MEIS2: variants seen among roughly 807,000 people sequenced by gnomAD.
MEIS2 encodes the protein homeobox protein Meis2.
Under a neutral mutation model 58.6 loss-of-function variants are expected in MEIS2, and 9 were observed. The ratio of observed to expected loss-of-function variants is 0.15; its 90% CI spans 0.09 to 0.27. MEIS2 has a LOEUF of 0.27. Ranked by LOEUF, MEIS2 falls within the 10% of genes least tolerant of loss-of-function variation. The pLI is 1.00. For missense variants in MEIS2, 427 were observed against 635.0 expected (o/e 0.67, Z 3.52); for synonymous variants, 221 against 228.4 (o/e 0.97, Z 0.29).
chr15:36,968,145 C>T (rs572880695), intron 8 of MEIS2, among the ~76,000 whole-genome samples: 1 of 152,270 alleles, frequency 6.6e-6, no homozygotes, highest in Admixed American at 6.5e-5. Context: ...GTTTTTGGTG[C>T]TATTTGTCGA....
rs369431005 is a variant in MEIS2, at chr15:36,976,278, G to T, written c.901-25878C>A. ...TTTTTGTATTTTTAGTAGAGACGGG[G>T]TTTCACCATGTTGGCCAGGCTGGTC... On this transcript the variant is annotated intron_variant, in intron 8 of 11. Coordinates refer to ENST00000561208, the MANE Select transcript of MEIS2 (RefSeq NM_170675.5). 2.0e-4 allele frequency among the ~76,000 whole-genome samples: 30 copies of T among 151,764 alleles called. 1 individual carries two copies. Among genetic ancestry groups the T allele is most frequent in the South Asian group, 1.7e-3 (8 of 4,820 alleles).
intron 8 of MEIS2, among the ~76,000 whole-genome samples, chr15:36,970,592 C>T (rs142944004): frequency 6.6e-6 from 1 of 152,310 alleles, no homozygotes; most frequent in East Asian, 1.9e-4. Context: ...GAAGTGTCCA[C>T]ATTACTGTCT....
At chr15:37,075,028 T>C (rs1891208581) in intron 7 of MEIS2, among the ~76,000 whole-genome samples, 1 of 152,004 alleles carries the variant, frequency 6.6e-6, no homozygotes, top group Non-Finnish European at 1.5e-5. Flanking sequence ...ATTCATGAAA[T>C]ACTTCCAGGC....
At chr15:36,983,001 T>C (rs1453961392) in intron 8 of MEIS2, among the ~76,000 whole-genome samples, 1 of 152,130 alleles carries the variant, frequency 6.6e-6, no homozygotes, top group Non-Finnish European at 1.5e-5. Flanking sequence ...GGGTTATGTG[T>C]TTTCTTGCTA....
intron 8 of MEIS2, among the ~76,000 whole-genome samples, chr15:36,977,604 AAC>A (rs1453471658): frequency 6.6e-6 from 1 of 152,236 alleles, no homozygotes; most frequent in Admixed American, 6.5e-5. Context: ...CATAGTGCCC[AAC>A]ACACAGTCAA....
chr15:36,995,714 A>AAAAAC (rs1369040627), intron 8 of MEIS2, among the ~76,000 whole-genome samples: 6 of 44,570 alleles, frequency 1.3e-4, no homozygotes, highest in Admixed American at 3.3e-4. Flanking sequence ...ACTAAAAAAA[A>AAAAAC]AAAAAAAAAA....
intron 8 of MEIS2, among the ~76,000 whole-genome samples, chr15:37,024,697 G>A (rs1227103505): frequency 6.6e-6 from 1 of 152,208 alleles, no homozygotes; most frequent in Non-Finnish European, 1.5e-5. Flanking sequence ...ATCACTTGCT[G>A]CAATGAGACA....
rs190138188 is a variant in MEIS2 at position 37,026,039 on chromosome 15, T to C, written c.900+10775A>G. ...ATGACCCCATGTTCCCATGTTCTCT[T>C]ACTACTTTAAAAAAAAAATCACTGT... On this transcript the variant is annotated intron_variant, in intron 8 of 11. Transcript: ENST00000561208. Among the ~76,000 whole-genome samples, 448 of 152,230 alleles carry C rather than the reference T, an allele frequency of 2.9e-3. 2 individuals carry two copies. Among genetic ancestry groups the C allele is most frequent in the African/African-American group, 0.01 (423 of 41,532 alleles).
chr15:37,069,290 A>G (rs564064603), intron 7 of MEIS2, among the ~76,000 whole-genome samples: 2 of 152,330 alleles, frequency 1.3e-5, no homozygotes, highest in South Asian at 4.1e-4. Context: ...TGATGATGTT[A>G]AAGGTCACTG....
chr15:36,895,077 T>C (rs1595666459), intron 11 of MEIS2, 74 bp downstream of exon 11: 4 of 1,252,458 alleles, frequency 3.2e-6, no homozygotes, highest in Non-Finnish European at 4.6e-6. Flanking sequence ...AGTGGGATAG[T>C]AGAGTGGATG....
chr15:37,004,680 A>G (rs534502974), intron 8 of MEIS2, among the ~76,000 whole-genome samples: 1 of 152,360 alleles, frequency 6.6e-6, no homozygotes, highest in Admixed American at 6.5e-5. Flanking sequence ...TGGAGATTCC[A>G]GAACAAGACC....
In MEIS2 at chr15:37,093,750, G is replaced by A. The variant is rs1353659259; in HGVS notation, c.490-20C>T. The stretch of plus-strand genomic sequence containing the variant: ...GTGGACCTAGAACGAAGGTCATGGT[G>A]GAGGGTTTAGCTCATGTTGTTGTTG... On this transcript the variant is annotated intron_variant, in intron 5 of 11. Transcript: ENST00000561208. 1 of 1,613,318 alleles carries A rather than the reference G, an allele frequency of 6.2e-7. No homozygotes were observed.
intron 9 of MEIS2, among the ~76,000 whole-genome samples, chr15:36,935,454 A>C (rs935188311): frequency 6.6e-6 from 1 of 152,078 alleles, no homozygotes; most frequent in East Asian, 1.9e-4. Flanking sequence ...ATTTGTTTAA[A>C]ACATCTCAAT....
chr15:36,949,323 C>T (rs891526867), intron 9 of MEIS2, among the ~76,000 whole-genome samples: 2 of 151,954 alleles, frequency 1.3e-5, no homozygotes, highest in Admixed American at 6.6e-5. Flanking sequence ...TCAATTGACC[C>T]TCGGGTAGCT....
intron 7 of MEIS2, among the ~76,000 whole-genome samples, chr15:37,047,187 C>G (rs911845325): frequency 1.3e-5 from 2 of 152,152 alleles, no homozygotes; most frequent in African/African-American, 4.8e-5. Context: ...TGCCCTTTTC[C>G]ACAGTTAACA....
At chr15:36,947,738 T>C (rs1403623093) in intron 9 of MEIS2, among the ~76,000 whole-genome samples, 1 of 151,912 alleles carries the variant, frequency 6.6e-6, no homozygotes, top group African/African-American at 2.4e-5. Context: ...GGAACTACAC[T>C]CTGATCCCCT....
At chr15:37,026,895 A>G (rs757279979) in intron 8 of MEIS2, among the ~76,000 whole-genome samples, 1 of 152,238 alleles carries the variant, frequency 6.6e-6, no homozygotes, top group African/African-American at 2.4e-5. Flanking sequence ...CTTATCCACT[A>G]TTAGATAAAA....
chr15:36,924,378 A>G (rs79832927), intron 9 of MEIS2, among the ~76,000 whole-genome samples: 2 of 152,234 alleles, frequency 1.3e-5, no homozygotes, highest in African/African-American at 4.8e-5. Flanking sequence ...CATTTCTTGC[A>G]GAGTTCCCTT....
chr15:36,912,176 C>A (rs1567042166), intron 9 of MEIS2, among the ~76,000 whole-genome samples: 1 of 152,080 alleles, frequency 6.6e-6, no homozygotes, highest in Admixed American at 6.5e-5. Context: ...GGAGGAATGC[C>A]AAAAACAAAT....
Sources: allele counts gnomAD v4.1 joint callset (sites outside exome capture counted in the v4.1 genomes callset), GRCh38; gene constraint gnomAD v4.1.1; transcripts MANE v1.5; gene names NCBI Gene and HGNC (gene_info 2026-07-23, HGNC 2026-07-21).